Variants in RBFOX1 observed in about 807,000 individuals in gnomAD.
RBFOX1 encodes the protein RNA binding protein fox-1 homolog 1.
In RBFOX1, 8 loss-of-function variants were observed where a neutral mutation model predicts 57.7. The ratio of observed to expected loss-of-function variants is 0.14; its 90% CI spans 0.08 to 0.25. RBFOX1 has a LOEUF of 0.25. Ranked by LOEUF, RBFOX1 falls within the 10% of genes least tolerant of loss-of-function variation. The pLI is 1.00. For synonymous variants in RBFOX1, 326 were observed against 222.4 expected, an observed-to-expected ratio of 1.47 and a Z score of -4.15; for missense variants, 611 against 548.5, an observed-to-expected ratio of 1.11 and a Z score of -1.14.
At chr16:5,843,743 A>G (rs1027033253) in intron 3 of RBFOX1, among the ~76,000 whole-genome samples, 1 of 152,216 alleles carries the variant, frequency 6.6e-6, no homozygotes, top group Non-Finnish European at 1.5e-5. Context: ...CAAACTACGC[A>G]GTTAGTAAGT....
intron 3 of RBFOX1, among the ~76,000 whole-genome samples, chr16:5,775,986 A>G (rs553974674): frequency 2.9e-4 from 44 of 152,288 alleles, no homozygotes; most frequent in Non-Finnish European, 5.7e-4. Context: ...GATGAGCTCT[A>G]CATCACCTGG....
chr16:6,159,111 C>T (rs1180396315), intron 1 of RBFOX1, among the ~76,000 whole-genome samples: 2 of 152,098 alleles, frequency 1.3e-5, no homozygotes, highest in Non-Finnish European at 2.9e-5. Context: ...GAGTCTCATT[C>T]TGTCACCTAG....
chr16:7,604,600 C>G (rs1410057920), intron 9 of RBFOX1, among the ~76,000 whole-genome samples: 3 of 152,068 alleles, frequency 2.0e-5, no homozygotes, highest in East Asian at 1.9e-4. Context: ...GGGGGATAGA[C>G]AGATTATAGA....
Position 5,500,561 on chromosome 16 carries a change from C to G in RBFOX1, c.258+33307C>G, listed in dbSNP as rs115078579. Among the ~76,000 whole-genome samples the G allele has an allele frequency of 5.6e-3, 858 of 152,254 alleles. 13 individuals are homozygous for G. Among genetic ancestry groups the G allele is most frequent in the African/African-American group, 0.019 (790 of 41,546 alleles). ...CAAATGTTTATATGCAGCTGCTAAA[C>G]TTACTTCATGCTCTTTCTGTCTCTG... On this transcript the variant is annotated intron_variant, in intron 2 of 2. Coordinates refer to the RBFOX1 transcript ENST00000585867.
At chr16:5,870,870 C>G (rs755162332) in intron 4 of RBFOX1, among the ~76,000 whole-genome samples, 5 of 151,486 alleles carry the variant, frequency 3.3e-5, no homozygotes, top group Non-Finnish European at 7.4e-5. Flanking sequence ...CTTTCTTTCC[C>G]CCCCACCCCC....
chr16:6,721,997 A>G (rs145488515), intron 3 of RBFOX1: 25 of 152,858 alleles, frequency 1.6e-4, no homozygotes, highest in Admixed American at 5.9e-4. Flanking sequence ...TACAGCATGT[A>G]TCAAAATTTC....
chr16:6,254,806 C>G (rs1199358127), intron 1 of RBFOX1, among the ~76,000 whole-genome samples: 1 of 152,016 alleles, frequency 6.6e-6, no homozygotes, highest in Non-Finnish European at 1.5e-5. Context: ...AAATTCAATT[C>G]ATTATTTTTA....
chr16:6,680,775 G>A (rs546210093), intron 3 of RBFOX1, among the ~76,000 whole-genome samples: 6 of 152,226 alleles, frequency 3.9e-5, no homozygotes, highest in African/African-American at 1.2e-4. Flanking sequence ...GATGCTAGAT[G>A]GGCACCTAAC....
intron 2 of RBFOX1, among the ~76,000 whole-genome samples, chr16:6,355,275 C>T (rs753281278): frequency 1.3e-5 from 2 of 152,126 alleles, no homozygotes; most frequent in African/African-American, 2.4e-5. Context: ...CTAATGTTAT[C>T]ACTCCCCCAG....
chr16:6,374,936 C>G (rs1010394193), intron 2 of RBFOX1, among the ~76,000 whole-genome samples: 2 of 152,180 alleles, frequency 1.3e-5, no homozygotes, highest in Non-Finnish European at 2.9e-5. Flanking sequence ...TAGCAACTGG[C>G]AGTTTTAAAA....
intron 3 of RBFOX1, among the ~76,000 whole-genome samples, chr16:7,002,996 A>G (rs926816478): frequency 2.6e-5 from 4 of 151,862 alleles, no homozygotes; most frequent in East Asian, 1.9e-4. Context: ...TCTCCAAACT[A>G]TGAGTGGATC....
intron 3 of RBFOX1, among the ~76,000 whole-genome samples, chr16:6,746,903 G>T (rs560900599): frequency 1.2e-4 from 19 of 152,208 alleles, no homozygotes; most frequent in African/African-American, 4.6e-4. Context: ...TCTCCTAGCA[G>T]TCTTCTCAGT....
intron 14 of RBFOX1, among the ~76,000 whole-genome samples, chr16:7,687,535 A>C (rs533103438): frequency 1.3e-5 from 2 of 152,158 alleles, no homozygotes; most frequent in Non-Finnish European, 2.9e-5. Context: ...ATGAATTTTA[A>C]TAGGTACATC....
At chr16:6,033,724 T>A (rs1460329715) in intron 1 of RBFOX1, among the ~76,000 whole-genome samples, 1 of 152,250 alleles carries the variant, frequency 6.6e-6, no homozygotes, top group African/African-American at 2.4e-5. Context: ...TTTCCATTTT[T>A]GAAGCGCTAC....
intron 1 of RBFOX1, among the ~76,000 whole-genome samples, chr16:5,305,786 G>C (rs2063917922): frequency 6.6e-6 from 1 of 152,256 alleles, no homozygotes; most frequent in Middle Eastern, 3.4e-3. Flanking sequence ...AGCCAGATGC[G>C]GTGGCTTATC....
Position 7,712,594 on chromosome 16 carries a change from A to G in RBFOX1, c.*1849A>G, listed in dbSNP as rs545574024. The stretch of plus-strand genomic sequence containing the variant: ...GGAGCTACTTATCAGCCAAAAGCAT[A>G]TAAAGTGTTCTTTTCACCAGACTTC... On this transcript the variant is annotated 3_prime_UTR_variant, in exon 16 of 16. Coordinates refer to ENST00000550418, the MANE Select transcript of RBFOX1 (RefSeq NM_018723.4). 1.3e-5 allele frequency: 2 copies of G among 152,680 alleles called. No homozygotes were observed. The highest frequency in any genetic ancestry group is 2.1e-4 in the South Asian group (1 of 4,814). The allele number at this position is 152,680 out of a possible 1,614,324, so 9.5% of individuals were successfully genotyped here. A position where few individuals can be genotyped will look rare whatever the true frequency, so the allele number is the denominator to read the frequency against.
chr16:6,791,630 G>A (rs116822328), intron 3 of RBFOX1, among the ~76,000 whole-genome samples: 2,831 of 152,234 alleles, frequency 0.019, 68 homozygotes, highest in African/African-American at 0.061. Context: ...GTAGTGGTGC[G>A]TGCTTGTAGT....
chr16:7,249,576 T>G (rs2094434952), intron 4 of RBFOX1, among the ~76,000 whole-genome samples: 1 of 150,446 alleles, frequency 6.6e-6, no homozygotes, highest in Admixed American at 6.6e-5. Flanking sequence ...TTATGAAAAT[T>G]TCCTTCTTCA....
chr16:5,976,376 G>A (rs1178608882), intron 4 of RBFOX1, among the ~76,000 whole-genome samples: 1 of 152,144 alleles, frequency 6.6e-6, no homozygotes, highest in Non-Finnish European at 1.5e-5. Flanking sequence ...TACATAATGT[G>A]TTTTGTAGAG....
Sources: allele counts gnomAD v4.1 joint callset (sites outside exome capture counted in the v4.1 genomes callset), GRCh38; gene constraint gnomAD v4.1.1; transcripts MANE v1.5; gene names NCBI Gene and HGNC (gene_info 2026-07-23, HGNC 2026-07-21).